CLVS1: variants seen among roughly 807,000 people sequenced by gnomAD.
CLVS1 encodes clavesin-1.
In CLVS1, 10 loss-of-function variants were observed where a neutral mutation model predicts 33.1. That is an observed-to-expected ratio of 0.30 (90% CI 0.19 to 0.51). The LOEUF (loss-of-function observed/expected upper bound fraction) is 0.51, where lower values mean the gene tolerates loss of function less well. CLVS1 is among the 20% of genes least tolerant of loss of function. The pLI is 0.97. For synonymous variants in CLVS1, 163 were observed against 166.1 expected (o/e 0.98, Z 0.14); for missense variants, 343 against 433.4 (o/e 0.79, Z 1.85).
In CLVS1 at chr8:61,282,801, C is replaced by A. The variant is rs16927138; in HGVS notation, c.-151-16876C>A. 5.3e-3 allele frequency among the ~76,000 whole-genome samples: 805 copies of A among 152,238 alleles called. 34 individuals carry two copies. The East Asian group carries it at 0.11, about 21-fold the overall frequency. On this transcript the variant is annotated intron_variant, in intron 2 of 2. Transcript: ENST00000522621. Reference sequence around the variant, plus strand: ...TGAAGTATGGATCTATTTCCTGCAACCTGAAAGGGACTAACACATAGTGTG... The same window carrying A: ...TGAAGTATGGATCTATTTCCTGCAAACTGAAAGGGACTAACACATAGTGTG...
intron 2 of CLVS1, among the ~76,000 whole-genome samples, chr8:61,257,964 G>A (rs1213781302): frequency 6.6e-6 from 1 of 152,084 alleles, no homozygotes; most frequent in Non-Finnish European, 1.5e-5. Flanking sequence ...GATGATGGTG[G>A]TGGTGGTAGT....
chr8:60,992,272 G>A, the CLVS1 span, among the ~76,000 whole-genome samples: 5 of 151,906 alleles, frequency 3.3e-5, no homozygotes, highest in Non-Finnish European at 5.9e-5. Context: ...GTTATGTCTC[G>A]TTTTTTTTCC....
chr8:61,334,489 A>G (rs1387628566), intron 2 of CLVS1, among the ~76,000 whole-genome samples: 1 of 152,220 alleles, frequency 6.6e-6, no homozygotes, highest in Admixed American at 6.5e-5. Flanking sequence ...TGGAACACAA[A>G]GGGCAAGGGA....
intron 2 of CLVS1, among the ~76,000 whole-genome samples, chr8:61,245,604 G>T (rs1808789861): frequency 6.6e-6 from 1 of 151,622 alleles, no homozygotes; most frequent in Non-Finnish European, 1.5e-5. Flanking sequence ...ATATACTGGG[G>T]CAAACATCTT....
intron 1 of CLVS1, among the ~76,000 whole-genome samples, chr8:61,063,434 T>C (rs1380886284): frequency 1.3e-5 from 2 of 152,074 alleles, no homozygotes; most frequent in African/African-American, 4.8e-5. Flanking sequence ...GAGAATAGCA[T>C]TACAGAGACA....
At chr8:60,974,908 T>A in the CLVS1 span, among the ~76,000 whole-genome samples, 1 of 152,094 alleles carries the variant, frequency 6.6e-6, no homozygotes, top group East Asian at 1.9e-4. Flanking sequence ...CACATGAGGA[T>A]CAGCTGGAGG....
Position 61,329,203 on chromosome 8 carries a change from A to ATCTCTCTC in CLVS1, c.455+28940_455+28947dup, listed in dbSNP as rs34303330. 3.8e-3 allele frequency among the ~76,000 whole-genome samples: 545 copies of ATCTCTCTC among 145,160 alleles called. 3 individuals carry two copies. The highest frequency in any genetic ancestry group is 0.023 in the South Asian group (103 of 4,504). On this transcript the variant is annotated intron_variant, in intron 2 of 5. Coordinates refer to ENST00000325897, the MANE Select transcript of CLVS1 (RefSeq NM_173519.3). ...AGGCAGCATCTTCCTACCCCTCCTC[A>ATCTCTCTC]TCTCTCTCTCTCTCTCTCTCTCTCT...
chr8:61,112,267 A>G (rs562764600), intron 1 of CLVS1, among the ~76,000 whole-genome samples: 1 of 152,074 alleles, frequency 6.6e-6, no homozygotes, highest in South Asian at 2.1e-4. Flanking sequence ...TCCTCTGACC[A>G]TATGTAAAGT....
the CLVS1 span, among the ~76,000 whole-genome samples, chr8:61,020,172 A>G: frequency 6.6e-6 from 1 of 152,202 alleles, no homozygotes; most frequent in African/African-American, 2.4e-5. Context: ...GAGTGTTGAC[A>G]TTGGTCTCCC....
chr8:61,497,461 TCATGGG>T (rs527956645), intron 5 of CLVS1, among the ~76,000 whole-genome samples: 127 of 148,306 alleles, frequency 8.6e-4, no homozygotes, highest in African/African-American at 3.0e-3. Flanking sequence ...GGTGTCAGTC[TCATGGG>T]CATGCAGTAC....
At chr8:61,342,956 G>A (rs1215151350) in intron 2 of CLVS1, among the ~76,000 whole-genome samples, 2 of 152,208 alleles carry the variant, frequency 1.3e-5, no homozygotes, top group African/African-American at 4.8e-5. Context: ...AAAGTAGAGG[G>A]AGAAACATGG....
intron 2 of CLVS1, among the ~76,000 whole-genome samples, chr8:61,196,778 T>C (rs529001621): frequency 6.6e-6 from 1 of 152,340 alleles, no homozygotes; most frequent in Middle Eastern, 3.4e-3. Flanking sequence ...CTTTTAGTAA[T>C]AACATCTTCA....
At chr8:61,136,449 A>G (rs72654643) in intron 2 of CLVS1, among the ~76,000 whole-genome samples, 13,278 of 152,274 alleles carry the variant, frequency 0.087, 773 homozygotes, top group East Asian at 0.25. Flanking sequence ...CCCATCAATG[A>G]TAGACCGGAT....
chr8:61,192,574 G>C (rs1267470620), intron 2 of CLVS1, among the ~76,000 whole-genome samples: 1 of 152,182 alleles, frequency 6.6e-6, no homozygotes, highest in Admixed American at 6.5e-5. Context: ...CCATCAGAGT[G>C]AACAGGCAAC....
intron 3 of CLVS1, among the ~76,000 whole-genome samples, chr8:61,443,309 C>G (rs920348896): frequency 3.9e-5 from 6 of 152,190 alleles, no homozygotes; most frequent in African/African-American, 1.4e-4. Context: ...AACCTCTTGC[C>G]AGTCCTAGAT....
intron 5 of CLVS1, among the ~76,000 whole-genome samples, chr8:61,466,653 T>C (rs143106179): frequency 6.6e-6 from 1 of 152,190 alleles, no homozygotes; most frequent in Non-Finnish European, 1.5e-5. Context: ...GTTATTTTAT[T>C]ATTATTTTTT....
intron 2 of CLVS1, among the ~76,000 whole-genome samples, chr8:61,270,645 G>A (rs1444163571): frequency 6.6e-6 from 1 of 152,018 alleles, no homozygotes; most frequent in African/African-American, 2.4e-5. Flanking sequence ...ATCTGTTCCT[G>A]GACTCTTTTT....
At position 61,202,613 on chromosome 8, in the gene CLVS1, C is replaced by T. The variant is rs538978934; in HGVS notation, c.-152+70753C>T. 674 of 1,451,102 alleles carry T rather than the reference C, an allele frequency of 4.6e-4. 11 individuals carry two copies. The South Asian group carries it at 7.4e-3, about 16-fold the overall frequency. The allele number at this position is 1,451,102 out of a possible 1,614,324, so 89.9% of individuals were successfully genotyped here. A position where few individuals can be genotyped will look rare whatever the true frequency, so the allele number is the denominator to read the frequency against. ...AAAATGTCTGTACAGCCAACGGTTT[C>T]CCTTGGGGGCTTTGAAACAACACCA... is the stretch of plus-strand genomic sequence containing the variant. On this transcript the variant is annotated intron_variant, in intron 2 of 2. Coordinates refer to the CLVS1 transcript ENST00000522621.
intron 2 of CLVS1, among the ~76,000 whole-genome samples, chr8:61,158,888 A>G (rs1806698676): frequency 6.6e-6 from 1 of 152,186 alleles, no homozygotes; most frequent in African/African-American, 2.4e-5. Flanking sequence ...GCCAGGTTGC[A>G]GTACAGTGGC....
Sources: gnomAD v4.1 joint callset for allele counts (sites outside exome capture counted in the v4.1 genomes callset) on GRCh38, gnomAD v4.1.1 for gene constraint, MANE v1.5 for transcripts, NCBI Gene and HGNC (gene_info 2026-07-23, HGNC 2026-07-21) for gene names.